MFHAS1: variants seen among roughly 807,000 people sequenced by gnomAD.
MFHAS1 encodes malignant fibrous histiocytoma-amplified sequence 1.
In MFHAS1, 50 loss-of-function variants were observed where a neutral mutation model predicts 70.4. The observed-to-expected ratio is 0.71, with a 90% CI of 0.57 to 0.90. The LOEUF (loss-of-function observed/expected upper bound fraction) is 0.90, where lower values mean the gene tolerates loss of function less well. Ranked by LOEUF, MFHAS1 falls within the 40% of genes least tolerant of loss-of-function variation. The pLI, the probability that MFHAS1 is intolerant of heterozygous loss-of-function variation, is 0.00. For synonymous variants in MFHAS1, 952 were observed against 620.0 expected (o/e 1.54, Z -7.96); for missense variants, 1,795 against 1,347.6 (o/e 1.33, Z -5.20).
At chr8:8,836,967 T>C (rs915786527) in intron 1 of MFHAS1, among the ~76,000 whole-genome samples, 2 of 152,238 alleles carry the variant, frequency 1.3e-5, no homozygotes, top group Non-Finnish European at 2.9e-5. Context: ...GTCTGCTTAA[T>C]GTCATGACCA....
At chr8:8,836,433 C>A (rs891972191) in intron 1 of MFHAS1, among the ~76,000 whole-genome samples, 2 of 152,134 alleles carry the variant, frequency 1.3e-5, no homozygotes, top group Admixed American at 6.5e-5. Flanking sequence ...GGCTGGAGTG[C>A]AGTGGCATGA....
At chr8:8,862,287 T>C (rs1184572661) in intron 1 of MFHAS1, among the ~76,000 whole-genome samples, 1 of 152,196 alleles carries the variant, frequency 6.6e-6, no homozygotes, top group Non-Finnish European at 1.5e-5. Flanking sequence ...ATTAATGATG[T>C]TGACATCTTA....
At chr8:8,848,216 C>G (rs1417167531) in intron 1 of MFHAS1, among the ~76,000 whole-genome samples, 1 of 152,220 alleles carries the variant, frequency 6.6e-6, no homozygotes, top group African/African-American at 2.4e-5. Context: ...CAGTTGCCAT[C>G]TGCATCCTGC....
chr8:8,802,491 A>G (rs1344388594), intron 1 of MFHAS1, among the ~76,000 whole-genome samples: 18 of 152,228 alleles, frequency 1.2e-4, no homozygotes, highest in Admixed American at 1.2e-3. Flanking sequence ...TGGCGAGAAG[A>G]CACCATATGT....
chr8:8,799,730 C>T (rs11249892), intron 1 of MFHAS1, among the ~76,000 whole-genome samples: 46,154 of 152,094 alleles, frequency 0.3, 7,453 homozygotes, highest in African/African-American at 0.39. Flanking sequence ...CACTCCAACC[C>T]GGGCGACAGA....
rs1020695538 is a variant in MFHAS1 at position 8,789,597 on chromosome 8, C to A, written c.3126-3542G>T. Reference sequence around the variant, plus strand: ...ACTTAGGCTGAAACTGAAGCCATGGCATGTTGTATTAACCATGTCTTTTAT... The same window carrying A: ...ACTTAGGCTGAAACTGAAGCCATGGAATGTTGTATTAACCATGTCTTTTAT... On this transcript the variant is annotated intron_variant, in intron 2 of 2. Coordinates refer to ENST00000276282, the MANE Select transcript of MFHAS1 (RefSeq NM_004225.3). Among the ~76,000 whole-genome samples the A allele has an allele frequency of 6.6e-5, 10 of 152,160 alleles. 1 individual carries two copies. Among genetic ancestry groups the A allele is most frequent in the African/African-American group, 2.4e-4 (10 of 41,432 alleles).
intron 1 of MFHAS1, among the ~76,000 whole-genome samples, chr8:8,881,896 A>G (rs1809540138): frequency 6.6e-6 from 1 of 151,712 alleles, no homozygotes; most frequent in Non-Finnish European, 1.5e-5. Context: ...CCTCAAGGCC[A>G]GGTGGTAGAA....
chr8:8,814,040 C>T (rs975567124), intron 1 of MFHAS1, among the ~76,000 whole-genome samples: 6 of 151,686 alleles, frequency 4.0e-5, no homozygotes, highest in South Asian at 2.1e-4. Context: ...CAGGTTCAAG[C>T]GATTCTTGTT....
chr8:8,819,736 T>C (rs1169125875), intron 1 of MFHAS1, among the ~76,000 whole-genome samples: 3 of 151,768 alleles, frequency 2.0e-5, no homozygotes, highest in African/African-American at 7.3e-5. Context: ...ACCTTTTGAG[T>C]CACCCAGGCT....
intron 1 of MFHAS1, among the ~76,000 whole-genome samples, chr8:8,830,696 G>A (rs562341170): frequency 1.7e-4 from 26 of 152,214 alleles, no homozygotes; most frequent in African/African-American, 6.0e-4. Context: ...TCCGCCACCC[G>A]GTTTCAAGTA....
chr8:8,820,292 C>G (rs1393550076), intron 1 of MFHAS1, among the ~76,000 whole-genome samples: 1 of 151,966 alleles, frequency 6.6e-6, no homozygotes, highest in African/African-American at 2.4e-5. Flanking sequence ...TCCCCCTTCT[C>G]AAGTCCCCAG....
chr8:8,876,988 A>C (rs1809322081), intron 1 of MFHAS1, among the ~76,000 whole-genome samples: 1 of 151,890 alleles, frequency 6.6e-6, no homozygotes, highest in African/African-American at 2.4e-5. Context: ...GGTGTCCAAC[A>C]AATGAAGTGC....
chr8:8,887,590 T>C (rs1809816616), intron 1 of MFHAS1, among the ~76,000 whole-genome samples: 1 of 150,338 alleles, frequency 6.7e-6, no homozygotes, highest in African/African-American at 2.4e-5. Flanking sequence ...TGTATATGTA[T>C]ATATTTTATA....
chr8:8,856,571 A>G (rs1237536989), intron 1 of MFHAS1, among the ~76,000 whole-genome samples: 1 of 152,252 alleles, frequency 6.6e-6, no homozygotes, highest in Non-Finnish European at 1.5e-5. Flanking sequence ...ATCCAAGACA[A>G]TAATTCAAAG....
intron 1 of MFHAS1, among the ~76,000 whole-genome samples, chr8:8,835,322 T>C (rs1169470244): frequency 6.6e-6 from 1 of 152,198 alleles, no homozygotes; most frequent in Admixed American, 6.5e-5. Context: ...AATTAAATAC[T>C]GCAAGAAAAG....
rs1054082358 is a variant in MFHAS1, at chr8:8,831,662, G to A, written c.2999-34171C>T. ...ACAGTCTCACTCGGTCGCCCAGGCTGGAGTGGTGCAATCTCAGCTCACTGC... is the reference window on the plus strand; with the variant it reads ...ACAGTCTCACTCGGTCGCCCAGGCTAGAGTGGTGCAATCTCAGCTCACTGC... On this transcript the variant is annotated intron_variant, in intron 1 of 2. Transcript: ENST00000276282. Among the ~76,000 whole-genome samples the A allele has an allele frequency of 4.7e-5, 7 of 150,336 alleles. No individual in the cohort carries two copies. The East Asian group carries it at 5.9e-4, about 13-fold the overall frequency.
chr8:8,892,676 G>C lies in MFHAS1; in HGVS notation c.383C>G (p.Ala128Gly). ...VSHNRLTALG[A>G]EVVSALRELR... ...CTCCCTCAGAGCACTCACCACCTCC[G>C]CGCCCAGGGCGGTCAGCCGGTTGTG... is the stretch of plus-strand genomic sequence containing the variant. Residue 128 changes from alanine to glycine, a missense_variant, in exon 1 of 3, where the codon GCG becomes GGG. Ala to Gly is a moderately conservative substitution (Grantham distance 60). Transcript: ENST00000276282. This position sits in a 1 kb window ranked among gnomAD's most constrained non-coding sequence, Gnocchi z 4.7. 1.9e-6 allele frequency: 3 copies of C among 1,581,662 alleles called. No homozygotes were observed. Among genetic ancestry groups the C allele is most frequent in the Non-Finnish European group, 2.6e-6 (3 of 1,164,022 alleles).
intron 1 of MFHAS1, among the ~76,000 whole-genome samples, chr8:8,834,831 C>T (rs1807538942): frequency 6.6e-6 from 1 of 152,218 alleles, no homozygotes. Context: ...CACGAAACCA[C>T]CCCAGGGCCC....
At chr8:8,815,003 A>T (rs1356855403) in intron 1 of MFHAS1, among the ~76,000 whole-genome samples, 1 of 151,910 alleles carries the variant, frequency 6.6e-6, no homozygotes, top group African/African-American at 2.4e-5. Flanking sequence ...TATTCTTCTC[A>T]ATGCCCTCCC....
Sources: gnomAD v4.1 joint callset for allele counts (sites outside exome capture counted in the v4.1 genomes callset) on GRCh38, gnomAD v4.1.1 for gene constraint, Gnocchi (gnomAD v3.1) non-coding constraint, MANE v1.5 for transcripts, NCBI Gene and HGNC (gene_info 2026-07-23, HGNC 2026-07-21) for gene names.